Variants in VMP1 observed in about 807,000 individuals in gnomAD.
VMP1 encodes ectopic P-granules autophagy protein 3 homolog.
A neutral mutation model predicts 56.0 loss-of-function variants in VMP1; 11 were observed. That is an observed-to-expected ratio of 0.20 (90% confidence interval 0.12 to 0.32). The LOEUF (loss-of-function observed/expected upper bound fraction) is 0.32, where lower values mean the gene tolerates loss of function less well. VMP1 is among the 10% of genes least tolerant of loss of function. VMP1 has a pLI of 1.00. For synonymous variants in VMP1, 149 were observed against 165.0 expected, an observed-to-expected ratio of 0.90 and a Z score of 0.74; for missense variants, 296 against 490.3, an observed-to-expected ratio of 0.60 and a Z score of 3.74.
intron 2 of VMP1, among the ~76,000 whole-genome samples, chr17:59,734,464 A>G (rs2034944123): frequency 6.6e-6 from 1 of 152,184 alleles, no homozygotes; most frequent in Non-Finnish European, 1.5e-5. Context: ...TGGCTGCAGT[A>G]GCTCACACCT....
intron 1 of VMP1, among the ~76,000 whole-genome samples, chr17:59,720,294 A>G (rs775800764): frequency 5.3e-5 from 8 of 152,212 alleles, no homozygotes; most frequent in Non-Finnish European, 1.0e-4. Flanking sequence ...TACTTTAGCT[A>G]TGTGGATAGA....
intron 10 of VMP1, among the ~76,000 whole-genome samples, chr17:59,834,913 C>G (rs1474879610): frequency 6.6e-6 from 1 of 150,864 alleles, no homozygotes; most frequent in South Asian, 2.1e-4. Flanking sequence ...TGTGAACCAC[C>G]GAGGCTGGTC....
At chr17:59,764,936 GTTC>G (rs1179304615) in intron 5 of VMP1, 32 bp from the exon 6 acceptor site, 1 of 1,453,378 alleles carries the variant, frequency 6.9e-7, no homozygotes, top group Non-Finnish European at 9.1e-7. Context: ...TTTTTTAATA[GTTC>G]TTATCAGAAG....
At chr17:59,734,746 A>C (rs933717034) in intron 2 of VMP1, among the ~76,000 whole-genome samples, 3 of 152,090 alleles carry the variant, frequency 2.0e-5, no homozygotes, top group Non-Finnish European at 1.5e-5. Flanking sequence ...AAAAAAATAA[A>C]AATAAATTTA....
At chr17:59,750,351 T>G (rs2777896) in intron 5 of VMP1, among the ~76,000 whole-genome samples, 137,692 of 151,034 alleles carry the variant, frequency 0.91, 62,988 homozygotes, top group East Asian at 1. Flanking sequence ...GCCCAGGCTG[T>G]AGTGCAGTGG....
chr17:59,803,487 A>G (rs1212035688), intron 7 of VMP1, among the ~76,000 whole-genome samples: 2 of 152,206 alleles, frequency 1.3e-5, no homozygotes, highest in Admixed American at 6.5e-5. Flanking sequence ...TATTTTTGTG[A>G]AAAAAGAAAA....
intron 7 of VMP1, among the ~76,000 whole-genome samples, chr17:59,785,768 T>C (rs574598785): frequency 6.6e-6 from 1 of 152,212 alleles, no homozygotes; most frequent in East Asian, 1.9e-4. Context: ...GTCTTTCTGT[T>C]GAGTATCGTT....
intron 1 of VMP1, among the ~76,000 whole-genome samples, chr17:59,722,520 A>T (rs2034440708): frequency 1.3e-5 from 2 of 152,164 alleles, no homozygotes. Context: ...AAAAACGTAC[A>T]GCAACCTGTA....
chr17:59,826,290 T>G (rs2038643688), intron 10 of VMP1, among the ~76,000 whole-genome samples: 1 of 152,216 alleles, frequency 6.6e-6, no homozygotes, highest in African/African-American at 2.4e-5. Context: ...GGAGTTAGAC[T>G]GTTAGATGAG....
intron 10 of VMP1, among the ~76,000 whole-genome samples, chr17:59,825,457 T>C (rs1279998971): frequency 6.6e-6 from 1 of 152,196 alleles, no homozygotes; most frequent in African/African-American, 2.4e-5. Context: ...GCATATTTCT[T>C]AAAGAGCATA....
intron 2 of VMP1, 117 bp from the exon 3 acceptor site, chr17:59,735,221 T>C (rs1244164213): frequency 1.5e-6 from 2 of 1,364,462 alleles, no homozygotes; most frequent in African/African-American, 1.5e-5. Flanking sequence ...CACAAGACTC[T>C]AGGACTTGCT....
chr17:59,801,080 G>GAAAAAA lies in VMP1; in HGVS notation c.715-7709_715-7704dup, dbSNP rs571996545. Among the ~76,000 whole-genome samples the GAAAAAA allele has an allele frequency of 1.6e-3, 103 of 66,174 alleles. 6 individuals carry two copies. Among genetic ancestry groups the GAAAAAA allele is most frequent in the Non-Finnish European group, 2.5e-3 (84 of 33,326 alleles). The allele number at this position is 66,174 out of a possible 152,430, so 43.4% of individuals were successfully genotyped here. A position where few individuals can be genotyped will look rare whatever the true frequency, so the allele number is the denominator to read the frequency against. ...GGGCGACAGAGCAAGACTCCATCTC[G>GAAAAAA]AAAAAAAAAAAATATATATATATAT... On this transcript the variant is annotated intron_variant, in intron 7 of 11. Transcript: ENST00000262291.
intron 9 of VMP1, among the ~76,000 whole-genome samples, chr17:59,816,991 G>A (rs1210459441): frequency 2.7e-5 from 4 of 148,120 alleles, no homozygotes; most frequent in East Asian, 2.0e-4. Context: ...AAAAAGGGCC[G>A]GGCGCAATGG....
chr17:59,724,735 G>A (rs2143766814), intron 1 of VMP1, among the ~76,000 whole-genome samples: 1 of 152,270 alleles, frequency 6.6e-6, no homozygotes, highest in African/African-American at 2.4e-5. Flanking sequence ...GGGAGGCCGA[G>A]GTGGCTGATC....
intron 9 of VMP1, among the ~76,000 whole-genome samples, chr17:59,812,301 G>A (rs944083247): frequency 3.9e-5 from 6 of 152,148 alleles, no homozygotes. Context: ...TGTTAGTGTG[G>A]GAGGAGAATG....
intron 10 of VMP1, among the ~76,000 whole-genome samples, chr17:59,817,976 TG>T (rs2038305251): frequency 6.6e-6 from 1 of 151,908 alleles, no homozygotes; most frequent in African/African-American, 2.4e-5. Context: ...CCTGTTTAAT[TG>T]TAAACCAAAC....
chr17:59,801,106 A>ATGTGTG, intron 7 of VMP1, among the ~76,000 whole-genome samples: 1 of 128,196 alleles, frequency 7.8e-6, no homozygotes, highest in African/African-American at 3.9e-5. Flanking sequence ...ATATATATAT[A>ATGTGTG]TATATATGTG....
At chr17:59,739,029 T>C in intron 5 of VMP1, 82 bp downstream of exon 5, 1 of 1,142,980 alleles carries the variant, frequency 8.7e-7, no homozygotes, top group Non-Finnish European at 1.2e-6. Flanking sequence ...GTAAAAATTC[T>C]AAGATTTGTT....
At chr17:59,798,222 C>G (rs1345433095) in intron 7 of VMP1, among the ~76,000 whole-genome samples, 1 of 152,224 alleles carries the variant, frequency 6.6e-6, no homozygotes, top group Non-Finnish European at 1.5e-5. Flanking sequence ...GAGAAATCCA[C>G]TTAATCCTGA....
Sources: allele counts gnomAD v4.1 joint callset (sites outside exome capture counted in the v4.1 genomes callset), GRCh38; gene constraint gnomAD v4.1.1; transcripts MANE v1.5; gene names NCBI Gene and HGNC (gene_info 2026-07-23, HGNC 2026-07-21).